Variants in RB1CC1 observed in about 807,000 individuals in gnomAD.
The protein encoded by RB1CC1 is RB1-inducible coiled-coil protein 1.
Under a neutral mutation model 177.5 loss-of-function variants are expected in RB1CC1, and 46 were observed. The ratio of observed to expected loss-of-function variants is 0.26; its 90% CI spans 0.20 to 0.33. The LOEUF (loss-of-function observed/expected upper bound fraction) is 0.33, where lower values mean the gene tolerates loss of function less well. Among genes scored for constraint, RB1CC1 ranks in the 10% least tolerant of loss-of-function variants. The pLI is 1.00. For synonymous variants in RB1CC1, 666 were observed against 613.6 expected, an observed-to-expected ratio of 1.09 and a Z score of -1.26; for missense variants, 1,703 against 1,816.3, an observed-to-expected ratio of 0.94 and a Z score of 1.13.
At chr8:52,629,460 C>G (rs1848611531) in intron 21 of RB1CC1, among the ~76,000 whole-genome samples, 1 of 151,896 alleles carries the variant, frequency 6.6e-6, no homozygotes, top group African/African-American at 2.4e-5. Flanking sequence ...AAATTTGAAG[C>G]CCCCCCAACC....
At position 52,622,678 on chromosome 8, in the gene RB1CC1, A is replaced by G. The variant is rs1315402803; in HGVS notation, c.*1104T>C. 6.6e-6 allele frequency: 1 copy of G among 152,104 alleles called. No homozygotes were observed. Among genetic ancestry groups the G allele is most frequent in the African/African-American group, 2.4e-5 (1 of 41,426 alleles). The allele number at this position is 152,104 out of a possible 1,614,324, so 9.4% of individuals were successfully genotyped here. Reference sequence around the variant, plus strand: ...TCCAACTCAACTAACTCATTTAAATAACTTTGCTCAATGGCAACTTCTCTA... The same window carrying G: ...TCCAACTCAACTAACTCATTTAAATGACTTTGCTCAATGGCAACTTCTCTA... On this transcript the variant is annotated 3_prime_UTR_variant, in exon 24 of 24. Coordinates refer to ENST00000025008, the MANE Select transcript of RB1CC1 (RefSeq NM_014781.5).
intron 23 of RB1CC1, 140 bp from the exon 24 acceptor site, chr8:52,623,999 T>C (rs868744046): frequency 3.2e-6 from 2 of 631,406 alleles, no homozygotes; most frequent in African/African-American, 3.7e-5. Context: ...TCCTATCATA[T>C]TACTCATTGC....
intron 23 of RB1CC1, 103 bp from the exon 24 acceptor site, chr8:52,623,962 T>A (rs1162672135): frequency 1.3e-6 from 1 of 761,612 alleles, no homozygotes; most frequent in Non-Finnish European, 2.2e-6. Context: ...AACAAAAAAA[T>A]AAATAAACCA....
intron 18 of RB1CC1, 27 bp downstream of exon 18, chr8:52,642,324 A>G: frequency 1.3e-6 from 2 of 1,592,306 alleles, no homozygotes; most frequent in Non-Finnish European, 1.7e-6. Context: ...AACAGCCTTA[A>G]AAACAGTTGA....
chr8:52,627,348 A>G (rs928022760), intron 22 of RB1CC1, among the ~76,000 whole-genome samples: 2 of 152,042 alleles, frequency 1.3e-5, no homozygotes, highest in African/African-American at 4.8e-5. Flanking sequence ...CTCCGTTTCG[A>G]AAAAAAATAT....
Position 52,657,060 on chromosome 8 carries a change from T to G in RB1CC1, c.2769A>C (p.Val923=), listed in dbSNP as rs759864788. The change falls in exon 15 of 24, where the codon GTA becomes GTC. Residue 923 remains valine (V), a synonymous_variant. Coordinates refer to ENST00000025008, the MANE Select transcript of RB1CC1 (RefSeq NM_014781.5). ...GATCCTTTTCATTCTGCAGGCAGATTACAGCTTCTTTTTCATGTTTAACCA... is the reference window on the plus strand; with the variant it reads ...GATCCTTTTCATTCTGCAGGCAGATGACAGCTTCTTTTTCATGTTTAACCA... ...FALVKHEKEA[V]ICLQNEKDQK... 6.2e-7 allele frequency: 1 copy of G among 1,612,396 alleles called. No individual in the cohort carries two copies. The highest frequency in any genetic ancestry group is 1.7e-5 in the Admixed American group (1 of 59,654).
chr8:52,680,989 TGTGTG>T (rs1474720757), intron 5 of RB1CC1, among the ~76,000 whole-genome samples: 10 of 122,044 alleles, frequency 8.2e-5, no homozygotes, highest in African/African-American at 3.1e-4. Flanking sequence ...TGTGTGTGTG[TGTGTG>T]TTTTTTTTTT....
At chr8:52,667,955 G>C in intron 8 of RB1CC1, 66 bp downstream of exon 8, 1 of 1,471,830 alleles carries the variant, frequency 6.8e-7, no homozygotes, top group Non-Finnish European at 9.2e-7. Flanking sequence ...AATTGATACT[G>C]CATATAAAAC....
intron 18 of RB1CC1, among the ~76,000 whole-genome samples, chr8:52,637,529 G>C (rs948488540): frequency 2.0e-5 from 3 of 152,056 alleles, no homozygotes; most frequent in African/African-American, 7.2e-5. Flanking sequence ...CACTGAACCT[G>C]TATCCTCCAA....
chr8:52,669,402 A>C (rs904368143), intron 7 of RB1CC1, among the ~76,000 whole-genome samples: 1 of 152,192 alleles, frequency 6.6e-6, no homozygotes, highest in Non-Finnish European at 1.5e-5. Context: ...TAAAGATCCT[A>C]GTCAAATACC....
At chr8:52,713,728 G>A (rs1857253992) in intron 1 of RB1CC1, among the ~76,000 whole-genome samples, 1 of 152,230 alleles carries the variant, frequency 6.6e-6, no homozygotes, top group Admixed American at 6.5e-5. Context: ...CGGCAACTAG[G>A]CCGGGTACTA....
chr8:52,631,263 A>T (rs1007276058), intron 20 of RB1CC1, among the ~76,000 whole-genome samples: 1 of 152,146 alleles, frequency 6.6e-6, no homozygotes, highest in East Asian at 1.9e-4. Context: ...AAAAAGATTT[A>T]AAATCTCCAG....
chr8:52,704,155 T>C (rs563300296), intron 1 of RB1CC1, among the ~76,000 whole-genome samples: 2 of 152,260 alleles, frequency 1.3e-5, no homozygotes, highest in African/African-American at 4.8e-5. Context: ...TTCACATCTT[T>C]ACTCCTGTGA....
At chr8:52,686,353 G>A (rs1854273756) in intron 2 of RB1CC1, among the ~76,000 whole-genome samples, 1 of 152,300 alleles carries the variant, frequency 6.6e-6, no homozygotes, top group African/African-American at 2.4e-5. Context: ...AGACTAGCCT[G>A]GGCAACACAG....
intron 12 of RB1CC1, 122 bp downstream of exon 12, chr8:52,660,474 T>C (rs1851514283): frequency 2.1e-6 from 2 of 966,732 alleles, no homozygotes; most frequent in Non-Finnish European, 3.1e-6. Flanking sequence ...CCAAAAACAC[T>C]TTTATTTTGA....
At chr8:52,678,837 G>C (rs1853409244) in intron 5 of RB1CC1, among the ~76,000 whole-genome samples, 1 of 152,138 alleles carries the variant, frequency 6.6e-6, no homozygotes, top group Non-Finnish European at 1.5e-5. Context: ...TGGCTATCTG[G>C]CCTTGAAGAA....
intron 20 of RB1CC1, among the ~76,000 whole-genome samples, chr8:52,632,696 T>C (rs868394067): frequency 2.0e-5 from 3 of 152,154 alleles, no homozygotes; most frequent in Admixed American, 6.6e-5. Context: ...AGAAAATAAA[T>C]CTTGGGAACC....
At chr8:52,668,554 G>A (rs369454493) in intron 7 of RB1CC1, among the ~76,000 whole-genome samples, 19 of 151,892 alleles carry the variant, frequency 1.3e-4, no homozygotes, top group African/African-American at 2.9e-4. Flanking sequence ...AAACTTCTTC[G>A]GCAAATTTAT....
chr8:52,696,723 C>T (rs1855447997), intron 1 of RB1CC1, among the ~76,000 whole-genome samples: 1 of 152,176 alleles, frequency 6.6e-6, no homozygotes, highest in Non-Finnish European at 1.5e-5. Context: ...TTTTGGATAG[C>T]TGGGCACAGT....
Sources: allele counts gnomAD v4.1 joint callset (sites outside exome capture counted in the v4.1 genomes callset), GRCh38; gene constraint gnomAD v4.1.1; transcripts MANE v1.5; gene names NCBI Gene and HGNC (gene_info 2026-07-23, HGNC 2026-07-21).